GLI3: variants seen among roughly 807,000 people sequenced by gnomAD.
GLI3 encodes the protein transcription activator GLI3.
GLI3 carries 20 observed loss-of-function variants against 100.8 expected under a neutral mutation model. The ratio of observed to expected loss-of-function variants is 0.20; its 90% confidence interval spans 0.14 to 0.29. GLI3 has a LOEUF of 0.29. Ranked by LOEUF, GLI3 falls within the 10% of genes least tolerant of loss-of-function variation. GLI3 has a pLI of 1.00. For missense variants in GLI3, 2,040 were observed against 2,128.5 expected (o/e 0.96, Z 0.82); for synonymous variants, 938 against 860.5 (o/e 1.09, Z -1.58).
chr7:42,008,750 A>G (rs1788528788), intron 10 of GLI3, among the ~76,000 whole-genome samples: 1 of 152,200 alleles, frequency 6.6e-6, no homozygotes, highest in Non-Finnish European at 1.5e-5. Context: ...TAATTCTAAT[A>G]ACATACTTCT....
intron 4 of GLI3, among the ~76,000 whole-genome samples, chr7:42,055,091 A>G (rs1187473529): frequency 3.0e-5 from 4 of 134,964 alleles, no homozygotes; most frequent in Non-Finnish European, 4.5e-5. Flanking sequence ...ATATATACAT[A>G]TATACACATA....
intron 1 of GLI3, among the ~76,000 whole-genome samples, chr7:42,224,896 C>T (rs1340541175): frequency 6.6e-6 from 1 of 152,180 alleles, no homozygotes; most frequent in Admixed American, 6.5e-5. Context: ...CTGACCTTTA[C>T]TTTGGGCGGG....
chr7:41,978,556 G>A (rs746284291), intron 11 of GLI3, 43 bp downstream of exon 11: 31 of 1,601,464 alleles, frequency 1.9e-5, no homozygotes, highest in Non-Finnish European at 2.4e-5. Flanking sequence ...TTATGAGTAT[G>A]GGGAAGGACC....
At position 42,130,163 on chromosome 7, in the gene GLI3, C is replaced by T. The variant is rs965846588; in HGVS notation, c.367+18063G>A. On this transcript the variant is annotated intron_variant, in intron 3 of 14. Transcript: ENST00000395925. ...TAGCTCCCCAGAATCAAGCCCTCTT[C>T]GTTCTGGCATGTGGAGAAGCTCCAC... 7.2e-5 allele frequency among the ~76,000 whole-genome samples: 11 copies of T among 152,132 alleles called. No homozygotes were observed. The South Asian group carries it at 2.3e-3, about 32-fold the overall frequency.
chr7:42,202,374 ACACACACACT>A (rs1027456595), intron 2 of GLI3, among the ~76,000 whole-genome samples: 3 of 149,238 alleles, frequency 2.0e-5, no homozygotes, highest in African/African-American at 7.5e-5. Flanking sequence ...ACACACACAC[ACACACACACT>A]CACACACACA....
intron 1 of GLI3, among the ~76,000 whole-genome samples, chr7:42,256,265 G>A (rs908224851): frequency 6.6e-6 from 1 of 151,234 alleles, no homozygotes; most frequent in Non-Finnish European, 1.5e-5. Flanking sequence ...ATCAGTTGAA[G>A]CACAAAAGTT....
chr7:42,191,994 C>A (rs1461528721), intron 2 of GLI3, among the ~76,000 whole-genome samples: 1 of 151,496 alleles, frequency 6.6e-6, no homozygotes. Flanking sequence ...GAAAGACATG[C>A]GACCCATGCA....
At chr7:42,001,786 C>T (rs1044361734) in intron 10 of GLI3, among the ~76,000 whole-genome samples, 1 of 151,932 alleles carries the variant, frequency 6.6e-6, no homozygotes, top group African/African-American at 2.4e-5. Context: ...AATAATTAAT[C>T]ATTTTACAAT....
intron 3 of GLI3, among the ~76,000 whole-genome samples, chr7:42,132,198 T>A (rs1026969744): frequency 6.6e-6 from 1 of 151,972 alleles, no homozygotes; most frequent in Non-Finnish European, 1.5e-5. Context: ...CCTCCTGGGT[T>A]CACGCCATTC....
chr7:42,027,752 C>T (rs1194959579), intron 7 of GLI3, among the ~76,000 whole-genome samples: 1 of 152,172 alleles, frequency 6.6e-6, no homozygotes, highest in Non-Finnish European at 1.5e-5. Flanking sequence ...GAGAATTTCA[C>T]CAGGCTTTGA....
intron 3 of GLI3, among the ~76,000 whole-genome samples, chr7:42,079,194 A>G (rs1784947033): frequency 6.6e-6 from 1 of 152,230 alleles, no homozygotes; most frequent in Admixed American, 6.5e-5. Flanking sequence ...ATGTTTATTC[A>G]GCAATGTTGG....
chr7:42,188,915 T>C (rs1787772244), intron 2 of GLI3, among the ~76,000 whole-genome samples: 1 of 152,168 alleles, frequency 6.6e-6, no homozygotes, highest in South Asian at 2.1e-4. Flanking sequence ...TAATGGCAGA[T>C]ACACATCACT....
chr7:42,123,049 C>T (rs894712084), intron 3 of GLI3, among the ~76,000 whole-genome samples: 2 of 152,192 alleles, frequency 1.3e-5, no homozygotes, highest in African/African-American at 4.8e-5. Flanking sequence ...AAAATATTAG[C>T]ATTCATATCG....
chr7:42,085,846 C>T (rs145055306), intron 3 of GLI3, among the ~76,000 whole-genome samples: 68 of 152,254 alleles, frequency 4.5e-4, no homozygotes, highest in Non-Finnish European at 8.5e-4. Context: ...GAGAATGCTG[C>T]CATCAATCAT....
chr7:42,083,132 G>A (rs1785031382), intron 3 of GLI3, among the ~76,000 whole-genome samples: 1 of 151,968 alleles, frequency 6.6e-6, no homozygotes, highest in African/African-American at 2.4e-5. Flanking sequence ...ACAAACATTG[G>A]GTCTCATTCA....
At chr7:42,105,404 C>T (rs991899914) in intron 3 of GLI3, among the ~76,000 whole-genome samples, 6 of 151,550 alleles carry the variant, frequency 4.0e-5, no homozygotes, top group Non-Finnish European at 8.8e-5. Context: ...AATTTAGTTT[C>T]AAATATTTAT....
intron 2 of GLI3, among the ~76,000 whole-genome samples, chr7:42,207,423 T>C (rs115126171): frequency 3.0e-3 from 464 of 152,350 alleles, no homozygotes; most frequent in African/African-American, 0.01. Flanking sequence ...AAAAGCGAGG[T>C]AAGGTTTTCA....
chr7:42,121,669 A>G (rs981108717), intron 3 of GLI3, among the ~76,000 whole-genome samples: 2 of 152,020 alleles, frequency 1.3e-5, no homozygotes, highest in Non-Finnish European at 2.9e-5. Context: ...GGGGAGTGAC[A>G]GCTTCCAGTT....
intron 10 of GLI3, among the ~76,000 whole-genome samples, chr7:42,004,525 G>GA (rs1305408138): frequency 6.6e-6 from 1 of 151,864 alleles, no homozygotes; most frequent in Non-Finnish European, 1.5e-5. Context: ...AATGCATACA[G>GA]AAAAAAACTT....
Sources: gnomAD v4.1 joint callset for allele counts (sites outside exome capture counted in the v4.1 genomes callset) on GRCh38, gnomAD v4.1.1 for gene constraint, MANE v1.5 for transcripts, NCBI Gene and HGNC (gene_info 2026-07-23, HGNC 2026-07-21) for gene names.